Variants in PSMB3 observed in about 807,000 individuals in gnomAD.
The protein encoded by PSMB3 is proteasome 20S subunit beta 3.
PSMB3 carries 5 observed loss-of-function variants against 23.3 expected under a neutral mutation model. That is an observed-to-expected ratio of 0.21 (90% confidence interval 0.11 to 0.45). The LOEUF (loss-of-function observed/expected upper bound fraction) is 0.45. Among genes scored for constraint, PSMB3 ranks in the 20% least tolerant of loss-of-function variants. The probability of loss-of-function intolerance (pLI) is 0.99; values close to 1 mark genes in which losing one functional copy is unlikely to be tolerated. For synonymous variants in PSMB3, 85 were observed against 99.8 expected (o/e 0.85, Z 0.88); for missense variants, 192 against 277.9 (o/e 0.69, Z 2.20).
chr17:38,760,350 G>C, intron 3 of PSMB3, 81 bp from the exon 4 acceptor site: 2 of 1,495,952 alleles, frequency 1.3e-6, no homozygotes, highest in Non-Finnish European at 1.8e-6. Flanking sequence ...GGTCTAGGCC[G>C]GGGCCTTGTC....
At chr17:38,760,801 C>T (rs1214150884) in intron 4 of PSMB3, among the ~76,000 whole-genome samples, 193 bp downstream of exon 4, 1 of 152,214 alleles carries the variant, frequency 6.6e-6, no homozygotes, top group African/African-American at 2.4e-5. Flanking sequence ...AGGAGAGCAT[C>T]TTCTGTTAGG....
chr17:38,760,021 G>T (rs1908368257), intron 3 of PSMB3, among the ~76,000 whole-genome samples: 1 of 152,136 alleles, frequency 6.6e-6, no homozygotes, highest in Non-Finnish European at 1.5e-5. Context: ...TGTTTTAATG[G>T]TTTAGTTTTA....
In PSMB3 at chr17:38,752,818, A is replaced by G. The variant is rs758983794; in HGVS notation, c.-9A>G. 9 of 1,614,080 alleles carry G rather than the reference A, an allele frequency of 5.6e-6. No homozygotes were observed. Among genetic ancestry groups the G allele is most frequent in the Non-Finnish European group, 7.6e-6 (9 of 1,180,008 alleles). On this transcript the variant is annotated 5_prime_UTR_variant, in exon 1 of 6. Coordinates refer to ENST00000619426, the MANE Select transcript of PSMB3 (RefSeq NM_002795.4). This position sits in a 1 kb window ranked among gnomAD's most constrained non-coding sequence, Gnocchi z 5.5. ...TCTGGCGATCGAGGGATCCTAGTAC[A>G]CCGCAATCATGGTGAGATGGGGAGT...
In PSMB3 at chr17:38,755,934, G is replaced by A. The variant is rs1908179034; in HGVS notation, c.240G>A (p.Arg80=). Residue 80 remains arginine (R), a synonymous_variant, in exon 3 of 6, where the codon CGG becomes CGA. Transcript: ENST00000619426. ...ACCTGTATGAGTTGAAGGAAGGTCG[G>A]CAGATCAAACCTTATACCCTCATGA... ...RLNLYELKEG[R]QIKPYTLMSM... 6.2e-7 allele frequency: 1 copy of A among 1,613,966 alleles called. No homozygotes were observed. Among genetic ancestry groups the A allele is most frequent in the African/African-American group, 1.3e-5 (1 of 74,870 alleles).
In PSMB3 at chr17:38,757,865, A is replaced by G. The variant is rs537940776; in HGVS notation, c.296+1875A>G. ...GAGACAAGGTTTCATCATGTTGGCC[A>G]GGCTGGTCTCAAACTCATGACCTCA... is the stretch of plus-strand genomic sequence containing the variant. On this transcript the variant is annotated intron_variant, in intron 3 of 5. Coordinates refer to ENST00000619426, the MANE Select transcript of PSMB3 (RefSeq NM_002795.4). Among the ~76,000 whole-genome samples the G allele has an allele frequency of 2.0e-5, 3 of 151,454 alleles. No individual in the cohort carries two copies. The South Asian group carries it at 6.4e-4, about 32-fold the overall frequency.
In PSMB3 at chr17:38,752,784, T is replaced by A; in HGVS notation, c.-43T>A. 2 of 1,613,810 alleles carry A rather than the reference T, an allele frequency of 1.2e-6. No individual in the cohort carries two copies. The highest frequency in any genetic ancestry group is 1.1e-5 in the South Asian group (1 of 91,084). On this transcript the variant is annotated 5_prime_UTR_variant, in exon 1 of 6. Transcript: ENST00000619426. The surrounding 1 kb of genome is among the most constrained non-coding windows in gnomAD (Gnocchi z 5.5). Reference sequence around the variant, plus strand: ...GCAGTGAAGGCTAGACCCGGTTTACTGGAATTGCTCTGGCGATCGAGGGAT... The same window carrying A: ...GCAGTGAAGGCTAGACCCGGTTTACAGGAATTGCTCTGGCGATCGAGGGAT...
At chr17:38,761,383 CAA>C (rs1410714496) in intron 4 of PSMB3, among the ~76,000 whole-genome samples, 1 of 144,736 alleles carries the variant, frequency 6.9e-6, no homozygotes, top group Non-Finnish European at 1.5e-5. Context: ...CTGAGGAAAA[CAA>C]ATGAGTATAT....
At chr17:38,757,453 GGTTGTA>G (rs979737523) in intron 3 of PSMB3, among the ~76,000 whole-genome samples, 5 of 151,794 alleles carry the variant, frequency 3.3e-5, no homozygotes, top group African/African-American at 1.2e-4. Context: ...GGGAGGCAGA[GGTTGTA>G]GTGAGCCAAG....
chr17:38,760,051 T>A (rs1908369055), intron 3 of PSMB3, among the ~76,000 whole-genome samples: 1 of 152,178 alleles, frequency 6.6e-6, no homozygotes, highest in South Asian at 2.1e-4. Flanking sequence ...GTTTTTCATA[T>A]AAACTGCCTC....
intron 3 of PSMB3, among the ~76,000 whole-genome samples, chr17:38,759,769 G>C (rs902440530): frequency 2.6e-5 from 4 of 151,936 alleles, no homozygotes; most frequent in Non-Finnish European, 5.9e-5. Context: ...GGAAGGTCTC[G>C]ATCTCCTGAC....
intron 2 of PSMB3, among the ~76,000 whole-genome samples, chr17:38,753,623 C>G (rs34697616): frequency 5.5e-4 from 84 of 152,196 alleles, no homozygotes; most frequent in African/African-American, 2.0e-3. Flanking sequence ...GGACTACAGG[C>G]GCGCACCACC....
intron 5 of PSMB3, among the ~76,000 whole-genome samples, chr17:38,763,068 A>G (rs1305880095): frequency 1.3e-5 from 2 of 152,204 alleles, no homozygotes; most frequent in African/African-American, 4.8e-5. Context: ...ACCGTGAAAT[A>G]GTATTTGGCC....
chr17:38,752,913 C>T lies in PSMB3; in HGVS notation c.3+84C>T. ...AGGAGAGGCTTGGGGACGAAAAGGGCCTAGGGTCGATGGAAGGAAGCGGTT... is the reference window on the plus strand; with the variant it reads ...AGGAGAGGCTTGGGGACGAAAAGGGTCTAGGGTCGATGGAAGGAAGCGGTT... On this transcript the variant is annotated intron_variant, in intron 1 of 5. Coordinates refer to ENST00000619426, the MANE Select transcript of PSMB3 (RefSeq NM_002795.4). This position sits in a 1 kb window ranked among gnomAD's most constrained non-coding sequence, Gnocchi z 5.5. 1.1e-5 allele frequency: 18 copies of T among 1,569,878 alleles called. No homozygotes were observed. The South Asian group carries it at 2.0e-4, about 18-fold the overall frequency.
chr17:38,756,784 T>C (rs1341871382), intron 3 of PSMB3, among the ~76,000 whole-genome samples: 3 of 152,044 alleles, frequency 2.0e-5, no homozygotes, highest in African/African-American at 7.2e-5. Context: ...TGAGCCACCA[T>C]GCCTGGCCTG....
chr17:38,759,506 T>C (rs1302944410), intron 3 of PSMB3, among the ~76,000 whole-genome samples: 1 of 152,170 alleles, frequency 6.6e-6, no homozygotes, highest in African/African-American at 2.4e-5. Context: ...CATCTGTACA[T>C]AAAGATCCCT....
chr17:38,756,797 CTCTTT>C (rs1307895834), intron 3 of PSMB3, among the ~76,000 whole-genome samples: 5 of 151,572 alleles, frequency 3.3e-5, no homozygotes, highest in Non-Finnish European at 5.9e-5. Flanking sequence ...CTGGCCTGAT[CTCTTT>C]TTTTTTCTTT....
intron 5 of PSMB3, among the ~76,000 whole-genome samples, chr17:38,763,105 C>T (rs1908511640): frequency 1.3e-5 from 2 of 152,148 alleles, no homozygotes; most frequent in Non-Finnish European, 2.9e-5. Flanking sequence ...GCCTGTAATC[C>T]CAGCACTTTG....
In PSMB3 at chr17:38,752,887, C is replaced by T; in HGVS notation, c.3+58C>T. ...GGAAGGATTGAGAAGCGGAGGGGGT[C>T]AGGAGAGGCTTGGGGACGAAAAGGG... On this transcript the variant is annotated intron_variant, in intron 1 of 5. Coordinates refer to ENST00000619426, the MANE Select transcript of PSMB3 (RefSeq NM_002795.4). This position sits in a 1 kb window ranked among gnomAD's most constrained non-coding sequence, Gnocchi z 5.5. 1.2e-6 allele frequency: 2 copies of T among 1,608,790 alleles called. No individual in the cohort carries two copies. The highest frequency in any genetic ancestry group is 1.7e-6 in the Non-Finnish European group (2 of 1,176,592).
At chr17:38,763,880 A>G (rs1378790510) in intron 5 of PSMB3, among the ~76,000 whole-genome samples, 1 of 152,148 alleles carries the variant, frequency 6.6e-6, no homozygotes, top group Non-Finnish European at 1.5e-5. Flanking sequence ...AGGTGGTTCC[A>G]CCTGTGGAAA....
Sources: allele counts gnomAD v4.1 joint callset (sites outside exome capture counted in the v4.1 genomes callset), GRCh38; gene constraint gnomAD v4.1.1; non-coding constraint Gnocchi (gnomAD v3.1); transcripts MANE v1.5; gene names NCBI Gene and HGNC (gene_info 2026-07-23, HGNC 2026-07-21).